SEC31A: variants seen among roughly 807,000 people sequenced by gnomAD.
SEC31A encodes the protein SEC31 homolog A, COPII component.
A neutral mutation model predicts 151.0 loss-of-function variants in SEC31A; 70 were observed. The observed-to-expected ratio is 0.46, with a 90% confidence interval of 0.38 to 0.57. The LOEUF (loss-of-function observed/expected upper bound fraction) is 0.57, where lower values mean the gene tolerates loss of function less well. Among genes scored for constraint, SEC31A ranks in the 20% least tolerant of loss-of-function variants. The pLI is 0.00. For synonymous variants in SEC31A, 475 were observed against 505.9 expected (o/e 0.94, Z 0.82); for missense variants, 1,330 against 1,471.2 (o/e 0.90, Z 1.57).
At chr4:82,828,897 A>C in intron 23 of SEC31A, 103 bp downstream of exon 23, 1 of 832,200 alleles carries the variant, frequency 1.2e-6, no homozygotes, top group Non-Finnish European at 2.0e-6. Context: ...ATCACTCAGT[A>C]AGCTTCGCCT....
rs139600632 is a variant in SEC31A at position 82,823,658 on chromosome 4, C to T, written c.3411+897G>A. On this transcript the variant is annotated intron_variant, in intron 25 of 26. Coordinates refer to ENST00000395310, the MANE Select transcript of SEC31A (RefSeq NM_001077207.4). Reference sequence around the variant, plus strand: ...TTGTGGAATGTTTGTTGTTGCAATACAGGGGTATCTTAAGTAAACTAAGTA... The same window carrying T: ...TTGTGGAATGTTTGTTGTTGCAATATAGGGGTATCTTAAGTAAACTAAGTA... 6.4e-4 allele frequency among the ~76,000 whole-genome samples: 97 copies of T among 152,262 alleles called. No individual in the cohort carries two copies. The East Asian group carries it at 0.013, about 21-fold the overall frequency.
At chr4:82,837,865 G>T (rs539799335) in intron 22 of SEC31A, among the ~76,000 whole-genome samples, 55 of 152,214 alleles carry the variant, frequency 3.6e-4, no homozygotes, top group African/African-American at 1.3e-3. Context: ...TAGAATCTAT[G>T]CACTGGCTAA....
chr4:82,880,854 G>A lies in SEC31A; in HGVS notation c.148C>T (p.Leu50Phe). ...TTCATATCCAAGGATGGATCAGAGA[G>A]GTCTAATTCAAATATCTCAAGGGAA... Reference protein sequence around the residue: ...NASLEIFELDLSDPSLDMKSC... With the variant: ...NASLEIFELDFSDPSLDMKSC... Residue 50 changes from leucine (L) to phenylalanine (F), a missense_variant, in exon 3 of 27, where the codon CTC (leucine) becomes TTC (phenylalanine). Coordinates refer to ENST00000395310, the MANE Select transcript of SEC31A (RefSeq NM_001077207.4). 6.2e-7 allele frequency: 1 copy of A among 1,612,098 alleles called. No individual in the cohort carries two copies. The highest frequency in any genetic ancestry group is 8.5e-7 in the Non-Finnish European group (1 of 1,178,316).
Position 82,841,992 on chromosome 4 carries a change from CAAAA to C in SEC31A, c.2968+144_2968+147del, listed in dbSNP as rs368980414. The C allele has an allele frequency of 8.0e-3, 4,958 of 620,220 alleles. 71 individuals are homozygous for C. The highest frequency in any genetic ancestry group is 0.015 in the Middle Eastern group (33 of 2,170). 38.4% of individuals were successfully genotyped at this position (620,220 alleles called of 1,614,324 possible). The stretch of plus-strand genomic sequence containing the variant: ...ATCACAAAAAAAAAAACCAAACAAA[CAAAA>C]AACACAAAAAACAAACCCAAACCTC... On this transcript the variant is annotated intron_variant, in intron 22 of 26. Transcript: ENST00000395310.
At position 82,861,642 on chromosome 4, in the gene SEC31A, G is replaced by A; in HGVS notation, c.1615C>T (p.Leu539Phe). The stretch of plus-strand genomic sequence containing the variant: ...AAAAAAATAAGTACCTCTCCCAAGA[G>A]CTGCTCTTCAGCAGCAGGGCTCTCC... ...GEESPAAEEQ[L>F]LGEHIKEEKE... The change falls in exon 14 of 27, where the codon CTC (leucine) becomes TTC (phenylalanine). Residue 539 changes from leucine to phenylalanine, a missense_variant. Physicochemically the swap from Leu to Phe is conservative, Grantham distance 22. Coordinates refer to ENST00000395310, the MANE Select transcript of SEC31A (RefSeq NM_001077207.4). 1.9e-6 allele frequency: 3 copies of A among 1,606,156 alleles called. No homozygotes were observed. Among genetic ancestry groups the A allele is most frequent in the Non-Finnish European group, 1.7e-6 (2 of 1,173,888 alleles).
upstream of SEC31A, chr4:82,894,625 T>C (rs1237158626): frequency 2.6e-5 from 4 of 152,270 alleles, no homozygotes; most frequent in African/African-American, 9.6e-5. Context: ...CAACATTACC[T>C]TATGCCTTCT....
At chr4:82,864,128 A>T (rs2868713) in intron 11 of SEC31A, among the ~76,000 whole-genome samples, 28,455 of 151,278 alleles carry the variant, frequency 0.19, 2,847 homozygotes, top group South Asian at 0.34. Context: ...ACCTATTATT[A>T]TTTTTTTTTA....
At chr4:82,861,860 A>G in intron 13 of SEC31A, 152 bp from the exon 14 acceptor site, 2 of 435,702 alleles carry the variant, frequency 4.6e-6, no homozygotes, top group Non-Finnish European at 8.5e-6. Context: ...GAGAAATACC[A>G]TTAGAGGAAA....
chr4:82,821,227 A>C, intron 25 of SEC31A, 119 bp from the exon 26 acceptor site: 1 of 771,540 alleles, frequency 1.3e-6, no homozygotes, highest in Non-Finnish European at 2.2e-6. Context: ...TTTTATAAAG[A>C]AATGGAGGCA....
chr4:82,846,977 C>T (rs982213564), intron 20 of SEC31A, among the ~76,000 whole-genome samples: 4 of 152,084 alleles, frequency 2.6e-5, no homozygotes, highest in African/African-American at 4.8e-5. Context: ...GGCCTCCTAA[C>T]GTACAGGGAT....
intron 22 of SEC31A, among the ~76,000 whole-genome samples, chr4:82,830,543 C>A (rs1387252187): frequency 1.3e-5 from 2 of 152,202 alleles, no homozygotes; most frequent in African/African-American, 2.4e-5. Context: ...TCAGATATGG[C>A]TCAAAACAGT....
At chr4:82,890,865 G>A (rs966739125) in intron 1 of SEC31A, 7 of 1,385,236 alleles carry the variant, frequency 5.1e-6, no homozygotes, top group Non-Finnish European at 5.6e-6. Flanking sequence ...GCTCAGCAGT[G>A]GAGACGTCGG....
In SEC31A at chr4:82,861,708, C is replaced by T. The variant is rs867233949; in HGVS notation, c.1549G>A (p.Ala517Thr). 6.2e-7 allele frequency: 1 copy of T among 1,601,414 alleles called. No homozygotes were observed. The highest frequency in any genetic ancestry group is 8.5e-7 in the Non-Finnish European group (1 of 1,170,826). Residue 517 changes from alanine (A) to threonine (T), a missense_variant and splice_region_variant, in exon 14 of 27, where the codon GCT becomes ACT. Ala to Thr is a moderately conservative substitution (Grantham distance 58, BLOSUM62 0). Coordinates refer to ENST00000395310, the MANE Select transcript of SEC31A (RefSeq NM_001077207.4). ...ALNKVDGANV[A>T]LKDSDQVAQS... ...GCTACTTGGTCAGAGTCTTTAAGAG[C>T]CTTTGGTACACAAAACAATTACAGG...
intron 22 of SEC31A, 133 bp from the exon 23 acceptor site, chr4:82,829,191 G>A (rs1725343550): frequency 1.5e-6 from 1 of 677,060 alleles, no homozygotes; most frequent in African/African-American, 1.8e-5. Flanking sequence ...TACCAGCCGA[G>A]TGTGGGGATC....
intron 17 of SEC31A, among the ~76,000 whole-genome samples, chr4:82,854,293 G>GT (rs1732115117): frequency 6.6e-6 from 1 of 151,526 alleles, no homozygotes; most frequent in African/African-American, 2.4e-5. Flanking sequence ...AACGCAGGGG[G>GT]TGGAGGTTGC....
At chr4:82,836,559 T>G (rs970965484) in intron 22 of SEC31A, among the ~76,000 whole-genome samples, 13 of 151,992 alleles carry the variant, frequency 8.6e-5, no homozygotes, top group Non-Finnish European at 1.3e-4. Context: ...TTCTGATACA[T>G]GCTACAACAT....
intron 1 of SEC31A, among the ~76,000 whole-genome samples, chr4:82,883,285 G>T (rs1316925234): frequency 2.6e-5 from 4 of 152,114 alleles, no homozygotes; most frequent in African/African-American, 7.2e-5. Context: ...GCTGTTTTTA[G>T]CTATTTTTAC....
In SEC31A at chr4:82,846,519, C is replaced by G. The variant is rs531488188; in HGVS notation, c.2503-2010G>C. 1.8e-3 allele frequency among the ~76,000 whole-genome samples: 271 copies of G among 151,894 alleles called. 2 individuals carry two copies. Among genetic ancestry groups the G allele is most frequent in the African/African-American group, 6.3e-3 (263 of 41,476 alleles). On this transcript the variant is annotated intron_variant, in intron 20 of 26. Transcript: ENST00000395310. The stretch of plus-strand genomic sequence containing the variant: ...GACTCTCCTGCCTCCCCTTCCACCT[C>G]CTCCACCTTTTCTCCCTCTGCCATC...
intron 25 of SEC31A, among the ~76,000 whole-genome samples, chr4:82,821,906 T>C (rs1291504889): frequency 6.6e-6 from 1 of 152,170 alleles, no homozygotes; most frequent in African/African-American, 2.4e-5. Flanking sequence ...TTAGTTACAT[T>C]TGTTTAATCC....
Sources: gnomAD v4.1 joint callset for allele counts (sites outside exome capture counted in the v4.1 genomes callset) on GRCh38, gnomAD v4.1.1 for gene constraint, MANE v1.5 for transcripts, NCBI Gene and HGNC (gene_info 2026-07-23, HGNC 2026-07-21) for gene names.